RBFOX1: variants seen among roughly 807,000 people sequenced by gnomAD.
RBFOX1 encodes RNA binding protein fox-1 homolog 1.
In RBFOX1, 8 loss-of-function variants were observed where a neutral mutation model predicts 57.7. The ratio of observed to expected loss-of-function variants is 0.14; its 90% confidence interval spans 0.08 to 0.25. The LOEUF is 0.25. Ranked by LOEUF, RBFOX1 falls within the 10% of genes least tolerant of loss-of-function variation. The pLI, the probability that RBFOX1 is intolerant of heterozygous loss-of-function variation, is 1.00. For synonymous variants in RBFOX1, 326 were observed against 222.4 expected (o/e 1.47, Z -4.15); for missense variants, 611 against 548.5 (o/e 1.11, Z -1.14).
intron 1 of RBFOX1, among the ~76,000 whole-genome samples, chr16:6,230,314 T>C (rs1253287760): frequency 6.6e-6 from 1 of 152,172 alleles, no homozygotes; most frequent in Admixed American, 6.6e-5. Context: ...CAGTTAATAA[T>C]TATAACAATG....
At chr16:5,970,143 C>T (rs747271531) in intron 4 of RBFOX1, among the ~76,000 whole-genome samples, 2 of 152,130 alleles carry the variant, frequency 1.3e-5, no homozygotes, top group African/African-American at 2.4e-5. Flanking sequence ...TGCTTCCTGT[C>T]ACATAGAGGA....
At chr16:6,041,058 C>A (rs1329763204) in intron 1 of RBFOX1, among the ~76,000 whole-genome samples, 1 of 152,160 alleles carries the variant, frequency 6.6e-6, no homozygotes, top group African/African-American at 2.4e-5. Flanking sequence ...ATTACAATAT[C>A]ATAGAGAATA....
intron 3 of RBFOX1, among the ~76,000 whole-genome samples, chr16:5,676,603 G>A (rs2050176361): frequency 6.6e-6 from 1 of 152,170 alleles, no homozygotes; most frequent in Non-Finnish European, 1.5e-5. Context: ...GCTCATACCT[G>A]TAATCCCAGC....
intron 2 of RBFOX1, among the ~76,000 whole-genome samples, chr16:6,414,014 C>A (rs930615536): frequency 4.6e-5 from 7 of 152,154 alleles, no homozygotes; most frequent in African/African-American, 1.7e-4. Context: ...GAAATTCCAA[C>A]CATAGGGATC....
chr16:7,472,407 A>G (rs1339444553), intron 4 of RBFOX1, among the ~76,000 whole-genome samples: 1 of 152,172 alleles, frequency 6.6e-6, no homozygotes, highest in Non-Finnish European at 1.5e-5. Context: ...AGTCTTTATA[A>G]CTTAACTCAT....
intron 3 of RBFOX1, among the ~76,000 whole-genome samples, chr16:5,743,266 C>G (rs2052846154): frequency 6.6e-6 from 1 of 152,164 alleles, no homozygotes; most frequent in Non-Finnish European, 1.5e-5. Flanking sequence ...AATTGGGGGA[C>G]TGGGTGGGCA....
intron 3 of RBFOX1, among the ~76,000 whole-genome samples, chr16:6,738,325 C>T (rs72764980): frequency 0.06 from 9,102 of 152,010 alleles, 436 homozygotes; most frequent in South Asian, 0.21. Context: ...GAGATGAAGC[C>T]TGGAGTACTC....
chr16:5,383,973 A>T (rs1338189744), intron 1 of RBFOX1, among the ~76,000 whole-genome samples: 1 of 152,150 alleles, frequency 6.6e-6, no homozygotes, highest in Non-Finnish European at 1.5e-5. Context: ...ATTCTCCTCC[A>T]TGCTGGCTTC....
intron 2 of RBFOX1, among the ~76,000 whole-genome samples, chr16:6,644,984 A>G (rs2098522120): frequency 6.6e-6 from 1 of 152,188 alleles, no homozygotes; most frequent in Non-Finnish European, 1.5e-5. Flanking sequence ...ACTGAAATAT[A>G]TTCTCTGACA....
intron 3 of RBFOX1, among the ~76,000 whole-genome samples, chr16:6,991,996 C>T (rs148548337): frequency 1.3e-5 from 2 of 152,278 alleles, no homozygotes; most frequent in African/African-American, 4.8e-5. Flanking sequence ...GTTTCAGAAG[C>T]TGGTGCTATG....
chr16:6,943,181 T>G (rs989625356), intron 3 of RBFOX1, among the ~76,000 whole-genome samples: 1 of 152,156 alleles, frequency 6.6e-6, no homozygotes, highest in Non-Finnish European at 1.5e-5. Context: ...TCCACAGACC[T>G]GAGCTTGGCC....
At chr16:7,448,723 G>A (rs1017601557) in intron 4 of RBFOX1, among the ~76,000 whole-genome samples, 1 of 152,058 alleles carries the variant, frequency 6.6e-6, no homozygotes, top group Admixed American at 6.6e-5. Flanking sequence ...TTAGCTTGTG[G>A]CTGCATTACT....
At chr16:5,298,010 T>G (rs1252767352) in intron 1 of RBFOX1, among the ~76,000 whole-genome samples, 1 of 148,988 alleles carries the variant, frequency 6.7e-6, no homozygotes, top group African/African-American at 2.6e-5. Context: ...TTGAACACAA[T>G]GTTATTTTCC....
At chr16:7,153,884 T>G (rs187331312) in intron 4 of RBFOX1, among the ~76,000 whole-genome samples, 1 of 152,008 alleles carries the variant, frequency 6.6e-6, no homozygotes, top group African/African-American at 2.4e-5. Context: ...AGGAAAGAGA[T>G]AGAGGTAAAT....
intron 3 of RBFOX1, among the ~76,000 whole-genome samples, chr16:6,834,961 T>G (rs2092980928): frequency 1.3e-5 from 2 of 150,810 alleles, no homozygotes; most frequent in South Asian, 2.1e-4. Context: ...GGCGCGATCT[T>G]GGTTCACTGT....
intron 2 of RBFOX1, among the ~76,000 whole-genome samples, chr16:6,455,937 T>C (rs1253695784): frequency 1.3e-5 from 2 of 152,170 alleles, no homozygotes; most frequent in Non-Finnish European, 2.9e-5. Flanking sequence ...AAGATTTCAT[T>C]TTTTCCAATT....
intron 1 of RBFOX1, among the ~76,000 whole-genome samples, chr16:6,168,290 T>A (rs530259903): frequency 6.6e-6 from 1 of 152,338 alleles, no homozygotes; most frequent in African/African-American, 2.4e-5. Context: ...CAGGCCCCAG[T>A]GGGCGATTTT....
intron 3 of RBFOX1, among the ~76,000 whole-genome samples, chr16:6,805,623 G>A (rs979590094): frequency 4.0e-5 from 6 of 150,140 alleles, no homozygotes; most frequent in African/African-American, 1.5e-4. Context: ...ATTATTCCTG[G>A]TATCTCTTCG....
intron 2 of RBFOX1, among the ~76,000 whole-genome samples, chr16:6,567,249 C>G: frequency 6.6e-6 from 1 of 152,318 alleles, no homozygotes; most frequent in South Asian, 2.1e-4. Flanking sequence ...AAATTTCATT[C>G]AGATACGGTA....
Sources: allele counts gnomAD v4.1 joint callset (sites outside exome capture counted in the v4.1 genomes callset), GRCh38; gene constraint gnomAD v4.1.1; transcripts MANE v1.5; gene names NCBI Gene and HGNC (gene_info 2026-07-23, HGNC 2026-07-21).